SLC44A5: variants seen among roughly 807,000 people sequenced by gnomAD.
The protein encoded by SLC44A5 is solute carrier family 44 member 5, also known as choline transporter-like protein 5.
Under a neutral mutation model 101.8 loss-of-function variants are expected in SLC44A5, and 57 were observed. That is an observed-to-expected ratio of 0.56 (90% CI 0.45 to 0.70). The LOEUF is 0.70. Among genes scored for constraint, SLC44A5 ranks in the 30% least tolerant of loss-of-function variants. The probability of loss-of-function intolerance (pLI) is 0.00; values close to 1 mark genes in which losing one functional copy is unlikely to be tolerated. For synonymous variants in SLC44A5, 281 were observed against 290.9 expected (o/e 0.97, Z 0.35); for missense variants, 737 against 853.1 (o/e 0.86, Z 1.70).
At chr1:75,345,178 G>A (rs1270937537) in intron 3 of SLC44A5, among the ~76,000 whole-genome samples, 1 of 150,470 alleles carries the variant, frequency 6.6e-6, no homozygotes, top group African/African-American at 2.5e-5. Context: ...GCACCGATGT[G>A]AAAAATTACT....
chr1:75,388,777 T>TAA (rs748464401), intron 3 of SLC44A5, among the ~76,000 whole-genome samples: 5 of 134,252 alleles, frequency 3.7e-5, no homozygotes, highest in Admixed American at 7.6e-5. Flanking sequence ...AGACTCCGTC[T>TAA]AAAAAAAAAA....
chr1:75,420,873 T>C (rs1040964904), intron 2 of SLC44A5, among the ~76,000 whole-genome samples: 11 of 152,172 alleles, frequency 7.2e-5, no homozygotes, highest in Middle Eastern at 3.4e-3. Context: ...CAGTTAAGAG[T>C]ATCTCTCAAA....
chr1:75,681,299 A>T, the SLC44A5 span, among the ~76,000 whole-genome samples: 1 of 152,216 alleles, frequency 6.6e-6, no homozygotes, highest in Non-Finnish European at 1.5e-5. Flanking sequence ...GCAGAGACAC[A>T]ACCAAAAAAG....
intron 23 of SLC44A5, 94 bp from the exon 24 acceptor site, chr1:75,203,927 A>G: frequency 1.5e-6 from 2 of 1,299,304 alleles, no homozygotes. Context: ...CAGCAGTTCA[A>G]AATCCTTTTG....
At chr1:75,397,206 T>C (rs921575866) in intron 2 of SLC44A5, among the ~76,000 whole-genome samples, 1 of 152,152 alleles carries the variant, frequency 6.6e-6, no homozygotes, top group East Asian at 1.9e-4. Flanking sequence ...GTACAAATTA[T>C]GGTAATTTTG....
intron 1 of SLC44A5, among the ~76,000 whole-genome samples, chr1:75,608,719 G>T (rs1016155384): frequency 6.6e-6 from 1 of 151,532 alleles, no homozygotes; most frequent in Non-Finnish European, 1.5e-5. Flanking sequence ...TATTTTCACT[G>T]TAGGGTCTTT....
intron 1 of SLC44A5, among the ~76,000 whole-genome samples, chr1:75,576,890 T>A (rs575832445): frequency 6.6e-6 from 1 of 152,174 alleles, no homozygotes; most frequent in Non-Finnish European, 1.5e-5. Flanking sequence ...AGGACAATAC[T>A]GGGAATTACC....
intron 2 of SLC44A5, among the ~76,000 whole-genome samples, chr1:75,448,992 T>C (rs1665742766): frequency 6.6e-6 from 1 of 152,084 alleles, no homozygotes; most frequent in Admixed American, 6.6e-5. Context: ...GCATGCTCTC[T>C]CCCACCACTA....
intron 5 of SLC44A5, among the ~76,000 whole-genome samples, chr1:75,294,743 C>T (rs1406718160): frequency 6.6e-6 from 1 of 151,924 alleles, no homozygotes; most frequent in African/African-American, 2.4e-5. Context: ...ATGAGTGAAC[C>T]TAGAGGACAT....
intron 1 of SLC44A5, among the ~76,000 whole-genome samples, chr1:75,597,717 C>T (rs879217813): frequency 6.6e-6 from 1 of 152,136 alleles, no homozygotes; most frequent in African/African-American, 2.4e-5. Flanking sequence ...CTAAATGGTG[C>T]TGGGATAACT....
intron 4 of SLC44A5, among the ~76,000 whole-genome samples, chr1:75,315,271 AC>A (rs1402161386): frequency 6.6e-6 from 1 of 152,222 alleles, no homozygotes; most frequent in East Asian, 1.9e-4. Context: ...ACATCTATAT[AC>A]AAAAGCTTAA....
intron 1 of SLC44A5, among the ~76,000 whole-genome samples, chr1:75,596,312 A>C (rs1243628366): frequency 6.6e-6 from 1 of 152,114 alleles, no homozygotes; most frequent in Non-Finnish European, 1.5e-5. Flanking sequence ...ATAGCCTACC[A>C]ACCAAAAAAA....
At chr1:75,334,401 A>G (rs1286505153) in intron 4 of SLC44A5, among the ~76,000 whole-genome samples, 1 of 152,234 alleles carries the variant, frequency 6.6e-6, no homozygotes, top group East Asian at 1.9e-4. Flanking sequence ...AGCATTTAAA[A>G]GACGATTTCA....
intron 4 of SLC44A5, among the ~76,000 whole-genome samples, chr1:75,330,367 T>TA (rs1439631566): frequency 6.6e-6 from 1 of 151,902 alleles, no homozygotes; most frequent in African/African-American, 2.4e-5. Flanking sequence ...GTGATGGCCT[T>TA]ACCTCATAAT....
chr1:75,458,077 T>C (rs189628471), intron 2 of SLC44A5, among the ~76,000 whole-genome samples: 24 of 152,298 alleles, frequency 1.6e-4, no homozygotes, highest in Non-Finnish European at 3.1e-4. Flanking sequence ...AGCTAAGTCA[T>C]AGTGAATGAC....
intron 2 of SLC44A5, among the ~76,000 whole-genome samples, chr1:75,497,948 T>A (rs1570453523): frequency 6.6e-6 from 1 of 152,108 alleles, no homozygotes; most frequent in African/African-American, 2.4e-5. Flanking sequence ...ACATATTTCA[T>A]GTGTTTAAAA....
chr1:75,322,336 A>C (rs963410340), intron 4 of SLC44A5, among the ~76,000 whole-genome samples: 14 of 152,210 alleles, frequency 9.2e-5, no homozygotes, highest in African/African-American at 3.4e-4. Context: ...GTTTACAATG[A>C]CATCCAATAT....
At chr1:75,690,371 T>A in the SLC44A5 span, among the ~76,000 whole-genome samples, 2 of 152,114 alleles carry the variant, frequency 1.3e-5, no homozygotes, top group Non-Finnish European at 1.5e-5. Flanking sequence ...GCCCCCATGA[T>A]CCACCAGGTC....
Position 75,274,939 on chromosome 1 carries a change from C to T in SLC44A5, c.260+19G>A. ...GTTTAGACAGTAAAATCACACAAAG[C>T]AAAGGTGGCCATACTCACTCATTGG... On this transcript the variant is annotated intron_variant, in intron 6 of 23. Transcript: ENST00000370859. The T allele has an allele frequency of 6.3e-7, 1 of 1,598,992 alleles. No homozygotes were observed. The highest frequency in any genetic ancestry group is 8.6e-7 in the Non-Finnish European group (1 of 1,168,440).
Sources: gnomAD v4.1 joint callset for allele counts (sites outside exome capture counted in the v4.1 genomes callset) on GRCh38, gnomAD v4.1.1 for gene constraint, MANE v1.5 for transcripts, NCBI Gene and HGNC (gene_info 2026-07-23, HGNC 2026-07-21) for gene names.